The following LRGUK variants were observed in gnomAD, a reference collection of about 807,000 sequenced individuals.
LRGUK encodes the protein leucine rich repeats and guanylate kinase domain containing.
Under a neutral mutation model 76.0 loss-of-function variants are expected in LRGUK, and 65 were observed. That is an observed-to-expected ratio of 0.85 (90% confidence interval 0.70 to 1.05). The LOEUF is 1.05. Among genes scored for constraint, LRGUK ranks in the 50% least tolerant of loss-of-function variants. The pLI is 0.00. For synonymous variants in LRGUK, 268 were observed against 265.6 expected, an observed-to-expected ratio of 1.01 and a Z score of -0.09; for missense variants, 758 against 732.8, an observed-to-expected ratio of 1.03 and a Z score of -0.40.
Position 134,196,914 on chromosome 7 carries a change from G to T in LRGUK, c.1432-78G>T, listed in dbSNP as rs1302559051. 2.7e-5 allele frequency: 20 copies of T among 735,574 alleles called. No homozygotes were observed. In the East Asian group the frequency reaches 4.9e-4, roughly 18 times the overall value. The allele number at this position is 735,574 out of a possible 1,614,324, so 45.6% of individuals were successfully genotyped here. ...AGGTTTTTGAAATTATTTAGAATAA[G>T]ACATCAAATGATTTGAGTTATGTAA... On this transcript the variant is annotated intron_variant, in intron 12 of 15. Transcript: ENST00000645682.
chr7:134,209,761 G>T (rs1585560289), exon 16 of LRGUK: 1 of 399,894 alleles, frequency 2.5e-6, no homozygotes, highest in East Asian at 3.6e-5. Flanking sequence ...TGAGCCCCCA[G>T]GCAGCCCACA....
chr7:134,141,484 T>G (rs1039205722), intron 3 of LRGUK: 1 of 152,306 alleles, frequency 6.6e-6, no homozygotes, highest in Admixed American at 6.5e-5. Flanking sequence ...GTCACTGCAC[T>G]GATAGGGACC....
intron 19 of LRGUK, among the ~76,000 whole-genome samples, chr7:134,259,102 G>A (rs757734768): frequency 4.6e-5 from 7 of 152,074 alleles, no homozygotes; most frequent in Non-Finnish European, 7.4e-5. Flanking sequence ...GTGGCGGTTC[G>A]GCAGAATTCT....
intron 7 of LRGUK, among the ~76,000 whole-genome samples, chr7:134,167,739 C>T (rs546895737): frequency 6.6e-6 from 1 of 152,274 alleles, no homozygotes; most frequent in South Asian, 2.1e-4. Context: ...TTCATGACAG[C>T]TGGTGTCTCT....
intron 6 of LRGUK, among the ~76,000 whole-genome samples, chr7:134,159,243 G>A (rs1028704980): frequency 2.6e-5 from 4 of 151,666 alleles, no homozygotes; most frequent in East Asian, 3.9e-4. Flanking sequence ...GGGCTGAAGT[G>A]GGAGAATCAC....
intron 7 of LRGUK, among the ~76,000 whole-genome samples, chr7:134,171,041 CG>C (rs1799218213): frequency 6.6e-6 from 1 of 152,014 alleles, no homozygotes; most frequent in Non-Finnish European, 1.5e-5. Flanking sequence ...ATACAGAAAA[CG>C]TAAATAAAAC....
At chr7:134,232,632 T>A (rs1801930158) in intron 16 of LRGUK, among the ~76,000 whole-genome samples, 1 of 152,200 alleles carries the variant, frequency 6.6e-6, no homozygotes, top group African/African-American at 2.4e-5. Context: ...CTAAATAATT[T>A]GTCTTTGTTA....
intron 16 of LRGUK, among the ~76,000 whole-genome samples, chr7:134,231,695 C>T (rs1179527972): frequency 7.2e-6 from 1 of 138,640 alleles, no homozygotes; most frequent in Non-Finnish European, 1.5e-5. Flanking sequence ...TCCCTCCCTT[C>T]CTCCCTTCCT....
intron 4 of LRGUK, among the ~76,000 whole-genome samples, chr7:134,145,052 A>G (rs1333156580): frequency 3.3e-5 from 5 of 152,040 alleles, no homozygotes; most frequent in Non-Finnish European, 5.9e-5. Flanking sequence ...AGACCCTACA[A>G]ATGAACAAAA....
the LRGUK span, among the ~76,000 whole-genome samples, chr7:134,275,757 A>G: frequency 2.0e-5 from 3 of 152,208 alleles, no homozygotes; most frequent in Non-Finnish European, 2.9e-5. Context: ...CAATTTCTAG[A>G]GAGCACTAAG....
intron 6 of LRGUK, among the ~76,000 whole-genome samples, chr7:134,161,096 A>AT (rs1332272936): frequency 6.6e-6 from 1 of 152,196 alleles, no homozygotes; most frequent in African/African-American, 2.4e-5. Flanking sequence ...TGTCGGAAGC[A>AT]TTACAGTCTA....
At chr7:134,151,855 A>C (rs1424334427) in intron 5 of LRGUK, among the ~76,000 whole-genome samples, 1 of 152,138 alleles carries the variant, frequency 6.6e-6, no homozygotes, top group African/African-American at 2.4e-5. Context: ...TTCACAATGA[A>C]AACTCTCAGT....
chr7:134,226,576 A>T (rs1801770022), intron 16 of LRGUK, among the ~76,000 whole-genome samples: 1 of 152,058 alleles, frequency 6.6e-6, no homozygotes, highest in Non-Finnish European at 1.5e-5. Flanking sequence ...ATCTATGTTC[A>T]TTTCTATTTC....
chr7:134,157,707 T>C (rs1157549031), intron 5 of LRGUK, among the ~76,000 whole-genome samples: 1 of 152,176 alleles, frequency 6.6e-6, no homozygotes, highest in East Asian at 1.9e-4. Context: ...GTATTTTTAG[T>C]AGAGACGGGG....
At chr7:134,205,448 C>G (rs1231716562) in intron 15 of LRGUK, among the ~76,000 whole-genome samples, 3 of 152,152 alleles carry the variant, frequency 2.0e-5, no homozygotes, top group Non-Finnish European at 4.4e-5. Flanking sequence ...CACCTCATTG[C>G]TCCTGCTCTG....
At chr7:134,185,336 G>A (rs561103942) in intron 11 of LRGUK, among the ~76,000 whole-genome samples, 10 of 152,032 alleles carry the variant, frequency 6.6e-5, no homozygotes, top group Non-Finnish European at 7.4e-5. Flanking sequence ...TGAGGTGGGC[G>A]GATCACTTGA....
At chr7:134,185,335 C>A (rs955083762) in intron 11 of LRGUK, among the ~76,000 whole-genome samples, 13 of 151,984 alleles carry the variant, frequency 8.6e-5, no homozygotes, top group Non-Finnish European at 1.3e-4. Flanking sequence ...CTGAGGTGGG[C>A]GGATCACTTG....
intron 5 of LRGUK, among the ~76,000 whole-genome samples, chr7:134,152,054 A>G (rs1798243719): frequency 6.6e-6 from 1 of 152,086 alleles, no homozygotes; most frequent in African/African-American, 2.4e-5. Flanking sequence ...ATAAAACAAG[A>G]GAAAGAAATT....
At chr7:134,247,887 C>T (rs1358920732) in intron 17 of LRGUK, among the ~76,000 whole-genome samples, 1 of 152,116 alleles carries the variant, frequency 6.6e-6, no homozygotes, top group Non-Finnish European at 1.5e-5. Flanking sequence ...TATTTCTTTG[C>T]AAGAAGAAGA....
Sources: gnomAD v4.1 joint callset for allele counts (sites outside exome capture counted in the v4.1 genomes callset) on GRCh38, gnomAD v4.1.1 for gene constraint, MANE v1.5 for transcripts, NCBI Gene and HGNC (gene_info 2026-07-23, HGNC 2026-07-21) for gene names.